The following ANO1 variants were observed in gnomAD, a reference collection of about 807,000 sequenced individuals.
ANO1 encodes the protein anoctamin 1.
ANO1 carries 59 observed loss-of-function variants against 124.0 expected under a neutral mutation model. The ratio of observed to expected loss-of-function variants is 0.48; its 90% confidence interval spans 0.39 to 0.59. The LOEUF (loss-of-function observed/expected upper bound fraction) is 0.59, where lower values mean the gene tolerates loss of function less well. ANO1 is among the 20% of genes least tolerant of loss of function. The pLI is 0.00. For synonymous variants in ANO1, 529 were observed against 532.0 expected, an observed-to-expected ratio of 0.99 and a Z score of 0.08; for missense variants, 1,059 against 1,328.0, an observed-to-expected ratio of 0.80 and a Z score of 3.15.
At position 70,116,150 on chromosome 11, in the gene ANO1, G is replaced by A. The variant is rs189982678; in HGVS notation, c.856-308G>A. 3.9e-5 allele frequency among the ~76,000 whole-genome samples: 6 copies of A among 152,288 alleles called. No individual in the cohort carries two copies. In the East Asian group the frequency reaches 9.7e-4, roughly 25 times the overall value. On this transcript the variant is annotated intron_variant, in intron 7 of 25. Coordinates refer to ENST00000355303, the MANE Select transcript of ANO1 (RefSeq NM_018043.7). ...CCTCCAAAAGCCCCCTTTCATTTGT[G>A]TTTCTGGTTCCAAGGACCCGACCGT...
chr11:70,017,073 A>T (rs955043572), intron 1 of ANO1, among the ~76,000 whole-genome samples: 4 of 152,216 alleles, frequency 2.6e-5, no homozygotes, highest in Non-Finnish European at 5.9e-5. Context: ...TTCCTTAGAA[A>T]GATGCCTGGC....
At chr11:70,158,243 G>A (rs989839584) in intron 16 of ANO1, among the ~76,000 whole-genome samples, 5 of 152,150 alleles carry the variant, frequency 3.3e-5, no homozygotes, top group South Asian at 2.1e-4. Context: ...CAATGGATTC[G>A]GCCTTGGCCG....
intron 1 of ANO1, among the ~76,000 whole-genome samples, chr11:69,991,048 T>C (rs1554997412): frequency 6.6e-6 from 1 of 152,344 alleles, no homozygotes; most frequent in African/African-American, 2.4e-5. Context: ...AAATTCAAGG[T>C]TGCAATGATC....
At chr11:70,000,376 G>A (rs1554999054) in intron 1 of ANO1, among the ~76,000 whole-genome samples, 1 of 152,048 alleles carries the variant, frequency 6.6e-6, no homozygotes, top group Non-Finnish European at 1.5e-5. Context: ...TCACTAAAAA[G>A]CATTTTAAAG....
chr11:70,130,768 C>A (rs908673470), intron 10 of ANO1, among the ~76,000 whole-genome samples: 1 of 152,204 alleles, frequency 6.6e-6, no homozygotes, highest in Non-Finnish European at 1.5e-5. Context: ...TCATCCCTGG[C>A]AGGCCCCCCC....
intron 10 of ANO1, 110 bp from the exon 11 acceptor site, chr11:70,131,809 C>T (rs73530018): frequency 0.11 from 144,458 of 1,354,736 alleles, 8,492 homozygotes; most frequent in African/African-American, 0.2. Flanking sequence ...GAGGGACCCT[C>T]GCCAACCCCC....
chr11:70,167,446 C>T (rs1348893602), intron 21 of ANO1, 59 bp downstream of exon 21: 5 of 1,554,830 alleles, frequency 3.2e-6, no homozygotes, highest in African/African-American at 1.4e-5. Flanking sequence ...AGCATGCCAC[C>T]TGGAGTGGGG....
intron 24 of ANO1, among the ~76,000 whole-genome samples, chr11:70,184,829 C>T (rs2049048798): frequency 6.6e-6 from 1 of 152,146 alleles, no homozygotes; most frequent in Non-Finnish European, 1.5e-5. Context: ...TCACTGCAAC[C>T]TCAACCTCCC....
At chr11:70,009,108 T>G (rs1479783510) in intron 1 of ANO1, among the ~76,000 whole-genome samples, 2 of 152,000 alleles carry the variant, frequency 1.3e-5, no homozygotes, top group African/African-American at 4.8e-5. Flanking sequence ...GACAATGGAG[T>G]GTCCTTAGCA....
the ANO1 span, among the ~76,000 whole-genome samples, chr11:69,972,434 A>G: frequency 6.6e-6 from 1 of 152,200 alleles, no homozygotes; most frequent in East Asian, 1.9e-4. Context: ...TGATGAGACA[A>G]CCGCCTTGCA....
intron 11 of ANO1, among the ~76,000 whole-genome samples, chr11:70,138,391 G>A (rs1342718108): frequency 1.4e-5 from 2 of 146,894 alleles, no homozygotes; most frequent in African/African-American, 2.5e-5. Context: ...GCTCACGCCT[G>A]TAATCTCAGG....
At chr11:69,989,007 C>T (rs562362062) in intron 1 of ANO1, among the ~76,000 whole-genome samples, 7 of 142,910 alleles carry the variant, frequency 4.9e-5, no homozygotes, top group African/African-American at 1.0e-4. Context: ...TAGGGAGGGA[C>T]GGAGGGAGGG....
At chr11:70,121,250 TCTCTGC>T (rs1463561662) in intron 8 of ANO1, among the ~76,000 whole-genome samples, 6 of 151,812 alleles carry the variant, frequency 4.0e-5, no homozygotes, top group Admixed American at 2.0e-4. Flanking sequence ...TCTGCCTCTG[TCTCTGC>T]CTCTCTCTCC....
intron 13 of ANO1, among the ~76,000 whole-genome samples, 171 bp downstream of exon 13, chr11:70,152,632 C>A (rs1032742035): frequency 6.6e-6 from 1 of 152,204 alleles, no homozygotes. Context: ...TCTTTCCTTC[C>A]AGCACCCTTC....
At chr11:70,170,102 C>A in intron 21 of ANO1, 1 of 455,036 alleles carries the variant, frequency 2.2e-6, no homozygotes, top group Non-Finnish European at 4.4e-6. Context: ...GGCAGTGGGT[C>A]CCCACCCGGA....
rs750564707 is a variant in ANO1, at chr11:70,157,010, A to G, written c.1567A>G (p.Ile523Val). The G allele has an allele frequency of 6.8e-6, 11 of 1,613,052 alleles. No individual in the cohort carries two copies. The highest frequency in any genetic ancestry group is 1.6e-4 in the Middle Eastern group (1 of 6,062). The change falls in exon 16 of 26, where the codon ATC becomes GTC. Residue 523 changes from isoleucine (I) to valine (V), a missense_variant. Physicochemically the swap from Ile to Val is conservative, Grantham distance 29. This residue lies in a region of ANO1 where 809 missense variants were observed against 1,094.9 expected (regional missense o/e 0.74). Coordinates refer to ENST00000355303, the MANE Select transcript of ANO1 (RefSeq NM_018043.7). ...AGCCTACCTCACTAACTTGGTCTCC[A>G]TCATCTTCATGGTAAGTTCCAGAAG... ...FPAYLTNLVS[I>V]IFMIAVTFAI...
intron 1 of ANO1, among the ~76,000 whole-genome samples, chr11:70,006,373 A>G (rs1856482021): frequency 6.6e-6 from 1 of 151,912 alleles, no homozygotes; most frequent in African/African-American, 2.4e-5. Flanking sequence ...ACTTGACCCC[A>G]GCCCTGTAAG....
At chr11:70,115,537 T>C (rs967823815) in intron 7 of ANO1, among the ~76,000 whole-genome samples, 4 of 152,070 alleles carry the variant, frequency 2.6e-5, no homozygotes, top group African/African-American at 9.7e-5. Context: ...CACTTGAACC[T>C]GGAAGCGAAG....
intron 7 of ANO1, among the ~76,000 whole-genome samples, chr11:70,113,813 C>A (rs914601901): frequency 6.6e-6 from 1 of 152,108 alleles, no homozygotes; most frequent in African/African-American, 2.4e-5. Flanking sequence ...CTCATATAAC[C>A]TGTGCAGACA....
Sources: gnomAD v4.1 joint callset for allele counts (sites outside exome capture counted in the v4.1 genomes callset) on GRCh38, gnomAD v4.1.1 for gene constraint, gnomAD v4.1.1 regional missense constraint, MANE v1.5 for transcripts, NCBI Gene and HGNC (gene_info 2026-07-23, HGNC 2026-07-21) for gene names.